Variants in ZNF420 observed in about 807,000 individuals in gnomAD.
ZNF420 encodes the protein ATM and p53-associated KZNF protein.
A neutral mutation model predicts 44.7 loss-of-function variants in ZNF420; 31 were observed. That is an observed-to-expected ratio of 0.69 (90% CI 0.52 to 0.94). The LOEUF is 0.94. Among genes scored for constraint, ZNF420 ranks in the 40% least tolerant of loss-of-function variants. The probability of loss-of-function intolerance (pLI) is 0.00; values close to 1 mark genes in which losing one functional copy is unlikely to be tolerated. For missense variants in ZNF420, 681 were observed against 827.9 expected (o/e 0.82, Z 2.18); for synonymous variants, 245 against 267.4 (o/e 0.92, Z 0.82).
At chr19:37,046,426 A>G (rs888998161) in intron 1 of ZNF420, among the ~76,000 whole-genome samples, 1 of 152,240 alleles carries the variant, frequency 6.6e-6, no homozygotes, top group Non-Finnish European at 1.5e-5. Flanking sequence ...GAAATAAGCC[A>G]AAAGTTCATT....
chr19:37,071,982 G>C (rs184007617), intron 1 of ZNF420, among the ~76,000 whole-genome samples: 89 of 152,112 alleles, frequency 5.9e-4, no homozygotes, highest in Non-Finnish European at 1.0e-3. Flanking sequence ...AAATTCTTTT[G>C]GTAGGTCATA....
At chr19:37,121,941 A>G (rs1013663167) in intron 4 of ZNF420, among the ~76,000 whole-genome samples, 10 of 152,352 alleles carry the variant, frequency 6.6e-5, no homozygotes, top group East Asian at 1.9e-4. Flanking sequence ...TAGAATGGCA[A>G]TCATTAAAAA....
intron 4 of ZNF420, among the ~76,000 whole-genome samples, chr19:37,119,149 C>T (rs905704677): frequency 2.4e-4 from 36 of 152,110 alleles, no homozygotes; most frequent in Non-Finnish European, 4.0e-4. Context: ...CTCTCCACCC[C>T]AAATCAACAG....
intron 4 of ZNF420, chr19:37,111,848 C>T (rs1285771924): frequency 6.6e-6 from 1 of 152,084 alleles, no homozygotes; most frequent in East Asian, 1.9e-4. Flanking sequence ...TAATTAAAGG[C>T]CAGTCTTTTG....
chr19:37,015,111 C>G (rs1048960690), intron 1 of ZNF420, among the ~76,000 whole-genome samples: 1 of 152,216 alleles, frequency 6.6e-6, no homozygotes, highest in Non-Finnish European at 1.5e-5. Context: ...CTGTGTGTTT[C>G]TGTGCGAGTG....
intron 1 of ZNF420, among the ~76,000 whole-genome samples, chr19:37,024,207 G>GAGGC (rs2074668851): frequency 6.6e-6 from 1 of 151,988 alleles, no homozygotes; most frequent in African/African-American, 2.4e-5. Flanking sequence ...CTATGACCTG[G>GAGGC]AGGCACCTCC....
rs939869058 is a variant in ZNF420 at position 37,127,599 on chromosome 19, C to T, written c.608C>T (p.Ala203Val). Reference sequence around the variant, plus strand: ...TATGCATGTAAGGAATGTGGGAAGGCCTTTACTCAAAGCTCACAACTTATT... The same window carrying T: ...TATGCATGTAAGGAATGTGGGAAGGTCTTTACTCAAAGCTCACAACTTATT... The part of the protein sequence containing the change: ...KPYACKECGK[A>V]FTQSSQLILH... The change falls in exon 5 of 5, where the codon GCC (alanine) becomes GTC (valine). Residue 203 changes from alanine to valine, a missense_variant. By Grantham distance (64) the Ala-to-Val change is moderately conservative. This residue lies in a region of ZNF420 where 350 missense variants were observed against 382.5 expected (regional missense o/e 0.92). Coordinates refer to ENST00000337995, the MANE Select transcript of ZNF420 (RefSeq NM_144689.5). 1.9e-6 allele frequency: 3 copies of T among 1,613,856 alleles called. No homozygotes were observed. In the Admixed American group the frequency reaches 5.0e-5, roughly 27 times the overall value.
intron 1 of ZNF420, among the ~76,000 whole-genome samples, chr19:37,014,067 C>T (rs1468543764): frequency 1.3e-5 from 2 of 152,184 alleles, no homozygotes; most frequent in Non-Finnish European, 2.9e-5. Flanking sequence ...GAGAACAAGC[C>T]CATTCAGGGA....
intron 1 of ZNF420, among the ~76,000 whole-genome samples, chr19:37,014,737 C>G (rs914912542): frequency 2.0e-5 from 3 of 152,234 alleles, no homozygotes; most frequent in African/African-American, 7.2e-5. Flanking sequence ...CAGGGACCAC[C>G]ACCATTGCCT....
intron 4 of ZNF420, chr19:37,111,821 A>G (rs1032155752): frequency 5.3e-5 from 8 of 152,184 alleles, no homozygotes; most frequent in South Asian, 2.1e-4. Context: ...TAAAAAAGCA[A>G]TCCTTCAGAT....
At chr19:37,041,110 G>A (rs1967443797) in intron 1 of ZNF420, among the ~76,000 whole-genome samples, 1 of 152,012 alleles carries the variant, frequency 6.6e-6, no homozygotes, top group Admixed American at 6.6e-5. Flanking sequence ...GGTCACCTGA[G>A]GTCAGGAGTT....
chr19:37,028,164 C>A (rs551986985), intron 1 of ZNF420, among the ~76,000 whole-genome samples: 5 of 152,178 alleles, frequency 3.3e-5, no homozygotes, highest in African/African-American at 1.2e-4. Flanking sequence ...AATTTGAATT[C>A]CCTAGTGACA....
intron 4 of ZNF420, among the ~76,000 whole-genome samples, chr19:37,099,132 G>A (rs916912837): frequency 3.3e-5 from 5 of 152,126 alleles, no homozygotes; most frequent in Admixed American, 6.5e-5. Context: ...GGATAGTGCT[G>A]CAGTAAACAT....
intron 4 of ZNF420, among the ~76,000 whole-genome samples, chr19:37,119,802 A>G (rs576988562): frequency 2.6e-5 from 4 of 152,354 alleles, no homozygotes; most frequent in South Asian, 4.1e-4. Flanking sequence ...ATCACCACCA[A>G]TCCCACAGAA....
Position 37,078,819 on chromosome 19 carries a change from A to G in ZNF420, c.-125+249A>G, listed in dbSNP as rs568182185. Among the ~76,000 whole-genome samples the G allele has an allele frequency of 1.9e-3, 289 of 152,166 alleles. 1 individual carries two copies. Among genetic ancestry groups the G allele is most frequent in the Middle Eastern group, 3.4e-3 (1 of 294 alleles). ...GCTGGGATATACTTATGTGACTGTG[A>G]TTTTATGTGTGCCGCGTGTATAATT... is the stretch of plus-strand genomic sequence containing the variant. On this transcript the variant is annotated intron_variant, in intron 1 of 4. Coordinates refer to ENST00000337995, the MANE Select transcript of ZNF420 (RefSeq NM_144689.5).
intron 2 of ZNF420, among the ~76,000 whole-genome samples, chr19:37,087,294 T>A (rs1717067): frequency 0.2 from 15,666 of 78,566 alleles, 1,273 homozygotes; most frequent in East Asian, 0.4. Context: ...AAAAAAAAAA[T>A]AAATAAATAA....
intron 1 of ZNF420, among the ~76,000 whole-genome samples, chr19:37,038,942 C>G (rs1599609703): frequency 6.6e-6 from 1 of 151,354 alleles, no homozygotes; most frequent in Admixed American, 6.6e-5. Flanking sequence ...GTCGAGAACG[C>G]ACCATTGCAC....
intron 4 of ZNF420, among the ~76,000 whole-genome samples, chr19:37,093,984 T>C (rs1471077520): frequency 6.6e-6 from 1 of 152,202 alleles, no homozygotes; most frequent in East Asian, 1.9e-4. Flanking sequence ...AGAAATAATA[T>C]GGAAATGGTT....
At chr19:37,074,112 A>G (rs1228585169), upstream of ZNF420, among the ~76,000 whole-genome samples, 4 of 152,250 alleles carry the variant, frequency 2.6e-5, no homozygotes, top group East Asian at 7.7e-4. Context: ...ATCATTAATG[A>G]TTATTAAAAC....
Sources: allele counts gnomAD v4.1 joint callset (sites outside exome capture counted in the v4.1 genomes callset), GRCh38; gene constraint gnomAD v4.1.1; regional missense constraint gnomAD v4.1.1; transcripts MANE v1.5; gene names NCBI Gene and HGNC (gene_info 2026-07-23, HGNC 2026-07-21).